The following LRBA variants were observed in gnomAD, a reference collection of about 807,000 sequenced individuals.
LRBA encodes LPS responsive beige-like anchor protein.
LRBA carries 176 observed loss-of-function variants against 330.0 expected under a neutral mutation model. The ratio of observed to expected loss-of-function variants is 0.53; its 90% CI spans 0.47 to 0.60. The LOEUF (loss-of-function observed/expected upper bound fraction) is 0.60, where lower values mean the gene tolerates loss of function less well. LRBA is among the 20% of genes least tolerant of loss of function. The probability of loss-of-function intolerance (pLI) is 0.00; values close to 1 mark genes in which losing one functional copy is unlikely to be tolerated. For missense variants in LRBA, 3,259 were observed against 3,444.8 expected, an observed-to-expected ratio of 0.95 and a Z score of 1.35; for synonymous variants, 1,230 against 1,193.0, an observed-to-expected ratio of 1.03 and a Z score of -0.64.
chr4:150,505,480 A>C (rs1174638263), intron 40 of LRBA, among the ~76,000 whole-genome samples: 1 of 152,338 alleles, frequency 6.6e-6, no homozygotes, highest in African/African-American at 2.4e-5. Context: ...CTGAATGACT[A>C]CTGGGTACAT....
intron 51 of LRBA, 159 bp from the exon 52 acceptor site, chr4:150,310,543 G>A: frequency 2.0e-6 from 1 of 498,772 alleles, no homozygotes; most frequent in East Asian, 3.1e-5. Context: ...TCCAATTGCT[G>A]GAAAAATGTG....
At position 150,917,316 on chromosome 4, in the gene LRBA, T is replaced by G. The variant is rs554428248; in HGVS notation, c.646-578A>C. Among the ~76,000 whole-genome samples, 6 of 152,202 alleles carry G rather than the reference T, an allele frequency of 3.9e-5. No homozygotes were observed. In the South Asian group the frequency reaches 1.2e-3, roughly 32 times the overall value. On this transcript the variant is annotated intron_variant, in intron 5 of 56. Coordinates refer to ENST00000651943, the MANE Select transcript of LRBA (RefSeq NM_001364905.1). Reference sequence around the variant, plus strand: ...TAACCTGGACACATGAATCTTGTATTCTTCATTTCTTAAAATGAACGTATC... The same window carrying G: ...TAACCTGGACACATGAATCTTGTATGCTTCATTTCTTAAAATGAACGTATC...
intron 2 of LRBA, among the ~76,000 whole-genome samples, chr4:151,005,716 T>C (rs1256733850): frequency 6.7e-6 from 1 of 148,818 alleles, no homozygotes; most frequent in Non-Finnish European, 1.5e-5. Context: ...GCAATTCTCC[T>C]ACCTCAGCCT....
intron 2 of LRBA, among the ~76,000 whole-genome samples, chr4:150,953,796 G>A (rs1737146986): frequency 6.6e-6 from 1 of 151,560 alleles, no homozygotes; most frequent in African/African-American, 2.4e-5. Flanking sequence ...CGTCTAGGAA[G>A]TGAGAAGCGT....
intron 35 of LRBA, among the ~76,000 whole-genome samples, chr4:150,745,492 A>G (rs1401332590): frequency 6.6e-6 from 1 of 152,138 alleles, no homozygotes; most frequent in African/African-American, 2.4e-5. Flanking sequence ...AAAGTTATAA[A>G]GAGAAAAAAA....
chr4:150,266,524 T>C (rs914403837), intron 56 of LRBA, among the ~76,000 whole-genome samples: 1 of 151,512 alleles, frequency 6.6e-6, no homozygotes, highest in African/African-American at 2.4e-5. Flanking sequence ...TTTCTCTGTG[T>C]AGTTTGGTTA....
chr4:150,278,028 T>C (rs1245936848), intron 55 of LRBA, 24 bp from the exon 56 acceptor site: 1 of 1,607,106 alleles, frequency 6.2e-7, no homozygotes, highest in Non-Finnish European at 8.5e-7. Flanking sequence ...CAACATTCAG[T>C]AGAAATGTGG....
At chr4:150,449,039 G>A (rs1328128541) in intron 44 of LRBA, among the ~76,000 whole-genome samples, 1 of 151,978 alleles carries the variant, frequency 6.6e-6, no homozygotes, top group Non-Finnish European at 1.5e-5. Flanking sequence ...CAGGCACACA[G>A]GATATGATTT....
chr4:150,965,108 T>C (rs756550038), intron 2 of LRBA, among the ~76,000 whole-genome samples: 1 of 152,122 alleles, frequency 6.6e-6, no homozygotes, highest in Non-Finnish European at 1.5e-5. Flanking sequence ...AATAAAACCT[T>C]TGACCCAGCA....
At chr4:150,869,787 G>A (rs1479243919) in intron 20 of LRBA, among the ~76,000 whole-genome samples, 1 of 152,118 alleles carries the variant, frequency 6.6e-6, no homozygotes, top group Non-Finnish European at 1.5e-5. Context: ...GGTGCAGTAG[G>A]CTCATGCCTG....
chr4:150,472,899 C>T (rs1756309047), intron 42 of LRBA, among the ~76,000 whole-genome samples: 1 of 152,016 alleles, frequency 6.6e-6, no homozygotes, highest in Non-Finnish European at 1.5e-5. Flanking sequence ...AGTTGATGGA[C>T]ATTTAACAGT....
At chr4:150,507,169 T>G (rs1398985987) in intron 40 of LRBA, among the ~76,000 whole-genome samples, 1 of 151,444 alleles carries the variant, frequency 6.6e-6, no homozygotes, top group Non-Finnish European at 1.5e-5. Context: ...AATTTATAGA[T>G]TCAATGCCAT....
At chr4:150,691,373 C>T (rs1310425778) in intron 36 of LRBA, among the ~76,000 whole-genome samples, 2 of 152,070 alleles carry the variant, frequency 1.3e-5, no homozygotes, top group African/African-American at 4.8e-5. Flanking sequence ...GACAAACAAC[C>T]TAATTAAAAA....
intron 34 of LRBA, among the ~76,000 whole-genome samples, chr4:150,769,809 T>C (rs1349067051): frequency 3.9e-5 from 6 of 152,226 alleles, no homozygotes; most frequent in Non-Finnish European, 7.3e-5. Context: ...GGCACTCATA[T>C]ACATCTCCTC....
chr4:150,351,644 G>A (rs373676271), intron 47 of LRBA, among the ~76,000 whole-genome samples: 7 of 152,046 alleles, frequency 4.6e-5, no homozygotes, highest in Admixed American at 1.3e-4. Context: ...AGCCGAGATC[G>A]CGCCACTGCA....
chr4:150,267,556 CAT>C lies in LRBA; in HGVS notation c.8469-1746_8469-1745del, dbSNP rs559959151. Among the ~76,000 whole-genome samples the C allele has an allele frequency of 6.6e-5, 10 of 152,268 alleles. No individual in the cohort carries two copies. In the East Asian group the frequency reaches 1.9e-3, roughly 29 times the overall value. ...AAATGGAAATTTTTAGCTGTAAACA[CAT>C]AGATTTAAAAATATCTCAAATCAAT... On this transcript the variant is annotated intron_variant, in intron 56 of 56. Transcript: ENST00000651943.
chr4:150,877,819 A>G (rs1033334268), intron 17 of LRBA, among the ~76,000 whole-genome samples: 2 of 152,248 alleles, frequency 1.3e-5, no homozygotes, highest in African/African-American at 4.8e-5. Flanking sequence ...AATTGAAATC[A>G]TGCCAACCAT....
At chr4:150,326,029 A>G (rs1292516060) in intron 48 of LRBA, 131 bp from the exon 49 acceptor site, 3 of 656,720 alleles carry the variant, frequency 4.6e-6, no homozygotes, top group Non-Finnish European at 8.3e-6. Context: ...GTGTTTTCAC[A>G]GTGGGGCTAA....
intron 37 of LRBA, among the ~76,000 whole-genome samples, chr4:150,624,231 C>CAATTTGA (rs1353040581): frequency 1.3e-5 from 2 of 150,230 alleles, no homozygotes; most frequent in Non-Finnish European, 3.0e-5. Flanking sequence ...GTTGCTCAAA[C>CAATTTGA]AATTTGAATT....
Sources: gnomAD v4.1 joint callset for allele counts (sites outside exome capture counted in the v4.1 genomes callset) on GRCh38, gnomAD v4.1.1 for gene constraint, MANE v1.5 for transcripts, NCBI Gene and HGNC (gene_info 2026-07-23, HGNC 2026-07-21) for gene names.